DLG2: variants seen among roughly 807,000 people sequenced by gnomAD.
DLG2 encodes the protein discs large MAGUK scaffold protein 2.
In DLG2, 45 loss-of-function variants were observed where a neutral mutation model predicts 132.5. The ratio of observed to expected loss-of-function variants is 0.34; its 90% CI spans 0.27 to 0.44. The LOEUF is 0.44. DLG2 is among the 20% of genes least tolerant of loss of function. DLG2 has a pLI of 1.00. For missense variants in DLG2, 1,045 were observed against 1,196.9 expected (o/e 0.87, Z 1.87); for synonymous variants, 424 against 419.6 (o/e 1.01, Z -0.13).
intron 6 of DLG2, among the ~76,000 whole-genome samples, chr11:84,974,128 G>C (rs2054528964): frequency 6.6e-6 from 1 of 152,210 alleles, no homozygotes; most frequent in South Asian, 2.1e-4. Context: ...GTTGGTCCAA[G>C]GCAGGACTTG....
chr11:85,186,067 G>C (rs1298174057), intron 4 of DLG2, among the ~76,000 whole-genome samples: 1 of 151,830 alleles, frequency 6.6e-6, no homozygotes, highest in East Asian at 1.9e-4. Context: ...ATTAAACTAT[G>C]AACTTTTTGA....
intron 6 of DLG2, among the ~76,000 whole-genome samples, chr11:84,716,411 G>C (rs1258322832): frequency 6.6e-6 from 1 of 151,776 alleles, no homozygotes; most frequent in East Asian, 1.9e-4. Context: ...AGAAATATTG[G>C]GGAATAAAAG....
chr11:85,212,113 CT>C (rs1420220759), intron 4 of DLG2, among the ~76,000 whole-genome samples: 9 of 152,184 alleles, frequency 5.9e-5, no homozygotes, highest in Admixed American at 2.0e-4. Context: ...CATATATCCC[CT>C]ATATCCATTC....
At chr11:84,029,642 A>G (rs2095637408) in intron 11 of DLG2, among the ~76,000 whole-genome samples, 1 of 152,136 alleles carries the variant, frequency 6.6e-6, no homozygotes, top group African/African-American at 2.4e-5. Flanking sequence ...AAAAGTCCAC[A>G]CAACTCTAAG....
intron 19 of DLG2, among the ~76,000 whole-genome samples, chr11:83,582,452 T>C (rs564881733): frequency 2.6e-5 from 4 of 152,354 alleles, no homozygotes; most frequent in South Asian, 4.1e-4. Context: ...ATGCTGATCA[T>C]GTCCCAGGCA....
intron 3 of DLG2, among the ~76,000 whole-genome samples, chr11:85,414,231 T>C (rs993584551): frequency 3.9e-5 from 6 of 152,080 alleles, no homozygotes; most frequent in African/African-American, 1.4e-4. Context: ...GAGCTACTGA[T>C]TTGTGTACAT....
At chr11:83,697,578 A>G (rs1481801926) in intron 18 of DLG2, among the ~76,000 whole-genome samples, 2 of 152,166 alleles carry the variant, frequency 1.3e-5, no homozygotes, top group African/African-American at 2.4e-5. Context: ...CCCCTTACGT[A>G]TAACAAGCTG....
At chr11:84,814,819 G>A (rs1302447840) in intron 6 of DLG2, among the ~76,000 whole-genome samples, 1 of 151,940 alleles carries the variant, frequency 6.6e-6, no homozygotes, top group African/African-American at 2.4e-5. Context: ...TCACACTGTC[G>A]TATTATAATA....
intron 4 of DLG2, among the ~76,000 whole-genome samples, chr11:85,196,883 A>AT (rs1188014944): frequency 3.9e-5 from 6 of 152,244 alleles, no homozygotes; most frequent in African/African-American, 1.4e-4. Context: ...TGAATGGAAT[A>AT]TTTAAGAGAA....
chr11:83,891,354 T>C (rs1189369351), intron 15 of DLG2, among the ~76,000 whole-genome samples: 2 of 152,132 alleles, frequency 1.3e-5, no homozygotes, highest in African/African-American at 4.8e-5. Context: ...GGAGATAGTT[T>C]TAGTGGGAAG....
intron 7 of DLG2, among the ~76,000 whole-genome samples, chr11:84,259,919 C>T (rs930010458): frequency 2.6e-5 from 4 of 152,182 alleles, no homozygotes; most frequent in African/African-American, 7.2e-5. Context: ...TTTGCTTCTG[C>T]ACCCTATTAA....
At chr11:83,625,441 A>G (rs2062353169) in intron 19 of DLG2, among the ~76,000 whole-genome samples, 1 of 152,224 alleles carries the variant, frequency 6.6e-6, no homozygotes, top group African/African-American at 2.4e-5. Context: ...TTGCTACTAT[A>G]GAGAAAAATA....
At position 84,037,706 on chromosome 11, in the gene DLG2, A is replaced by C. The variant is rs536321598; in HGVS notation, c.919+21609T>G. The stretch of plus-strand genomic sequence containing the variant: ...ATGTTTGTTGAATTATTTGAAATGA[A>C]TCCACTTATTCTTCCTCTTCTGAGC... On this transcript the variant is annotated intron_variant, in intron 11 of 27. Transcript: ENST00000376104. Among the ~76,000 whole-genome samples, 16 of 152,220 alleles carry C rather than the reference A, an allele frequency of 1.1e-4. 1 individual carries two copies. The South Asian group carries it at 3.3e-3, about 32-fold the overall frequency.
At chr11:84,738,406 A>G (rs2064147114) in intron 6 of DLG2, among the ~76,000 whole-genome samples, 1 of 152,118 alleles carries the variant, frequency 6.6e-6, no homozygotes, top group African/African-American at 2.4e-5. Flanking sequence ...AATATTGCAA[A>G]GAAAAAAGAA....
chr11:85,498,877 G>C (rs1035260738), intron 3 of DLG2, among the ~76,000 whole-genome samples: 2 of 152,042 alleles, frequency 1.3e-5, no homozygotes, highest in African/African-American at 4.8e-5. Flanking sequence ...AAATAAAGAT[G>C]GTCTTTGAAA....
At chr11:84,881,112 C>T (rs75809176) in intron 6 of DLG2, among the ~76,000 whole-genome samples, 6,278 of 152,092 alleles carry the variant, frequency 0.041, 283 homozygotes, top group East Asian at 0.26. Context: ...AACTAACCTA[C>T]CAGTGTTGGA....
At chr11:84,286,121 A>G (rs1002155255) in intron 7 of DLG2, among the ~76,000 whole-genome samples, 6 of 152,118 alleles carry the variant, frequency 3.9e-5, no homozygotes, top group Non-Finnish European at 7.4e-5. Context: ...TGCCATTACC[A>G]TGTTTTTAAC....
At chr11:83,959,074 A>G (rs12283496) in intron 14 of DLG2, among the ~76,000 whole-genome samples, 20,509 of 152,124 alleles carry the variant, frequency 0.13, 1,726 homozygotes, top group African/African-American at 0.22. Context: ...CTACATCACA[A>G]TGAATGCCGA....
rs371828116 is a variant in DLG2, at chr11:84,693,994, T to A, written c.358-159263A>T. ...ATTAATGCTTTTGTCATACCATACA[T>A]GTAATTGTTTTAAGTAGAAGTTTCA... On this transcript the variant is annotated intron_variant, in intron 6 of 27. Transcript: ENST00000376104. Among the ~76,000 whole-genome samples the A allele has an allele frequency of 4.6e-4, 70 of 151,800 alleles. 1 individual carries two copies. In the South Asian group the frequency reaches 0.013, roughly 29 times the overall value.
Sources: gnomAD v4.1 joint callset for allele counts (sites outside exome capture counted in the v4.1 genomes callset) on GRCh38, gnomAD v4.1.1 for gene constraint, MANE v1.5 for transcripts, NCBI Gene and HGNC (gene_info 2026-07-23, HGNC 2026-07-21) for gene names.